The following PDZD7 variants were observed in gnomAD, a reference collection of about 807,000 sequenced individuals.
PDZD7 encodes the protein PDZ domain-containing protein 7.
PDZD7 carries 72 observed loss-of-function variants against 84.7 expected under a neutral mutation model. The observed-to-expected ratio is 0.85, with a 90% CI of 0.70 to 1.03. The LOEUF is 1.03. PDZD7 is among the 50% of genes least tolerant of loss of function. The pLI is 0.00. For missense variants in PDZD7, 1,490 were observed against 1,412.9 expected (o/e 1.05, Z -0.87); for synonymous variants, 594 against 580.7 (o/e 1.02, Z -0.33).
intron 11 of PDZD7, among the ~76,000 whole-genome samples, chr10:101,015,114 G>C (rs1852553558): frequency 6.6e-6 from 1 of 152,228 alleles, no homozygotes; most frequent in Non-Finnish European, 1.5e-5. Context: ...TTAGGTGTTG[G>C]GGGAGGCAAA....
chr10:101,014,079 G>A (rs1852500343), intron 11 of PDZD7, among the ~76,000 whole-genome samples: 2 of 150,102 alleles, frequency 1.3e-5, no homozygotes, highest in African/African-American at 4.9e-5. Context: ...GGCTGGTCTC[G>A]AACTCCTGAC....
rs11190790 is a variant in PDZD7, at chr10:101,012,526, A to C, written c.1750-268T>G. Among the ~76,000 whole-genome samples, 73,265 of 152,052 alleles carry C rather than the reference A, an allele frequency of 0.48. 20,749 individuals carry two copies. Among genetic ancestry groups the C allele is most frequent in the Non-Finnish European group, 0.65 (44,004 of 67,980 alleles). Reference sequence around the variant, plus strand: ...ACAGACACTTTTCTAAGCCTTTTACATACTGTCTCTCAGCAACCACCCTGA... The same window carrying C: ...ACAGACACTTTTCTAAGCCTTTTACCTACTGTCTCTCAGCAACCACCCTGA... On this transcript the variant is annotated intron_variant, in intron 11 of 16. Coordinates refer to ENST00000619208, the MANE Select transcript of PDZD7 (RefSeq NM_001195263.2).
At chr10:101,025,373 C>A (rs1307858499) in intron 2 of PDZD7, among the ~76,000 whole-genome samples, 1 of 151,898 alleles carries the variant, frequency 6.6e-6, no homozygotes, top group Non-Finnish European at 1.5e-5. Flanking sequence ...CCACACCCGG[C>A]TAATTTTTGT....
chr10:101,010,292 G>C lies in PDZD7; in HGVS notation c.2597C>G (p.Ser866Cys), dbSNP rs868726771. Residue 866 changes from serine to cysteine, a missense_variant, in exon 15 of 17, where the codon TCC becomes TGC. Transcript: ENST00000619208. ...PSGELKTVTL[S>C]KMKQSLGISI... Reference sequence around the variant, plus strand: ...CTCACCTAAGGACTGCTTCATCTTGGACAGTGTCACTGTCTTCAGCTCGCC... The same window carrying C: ...CTCACCTAAGGACTGCTTCATCTTGCACAGTGTCACTGTCTTCAGCTCGCC... 14 of 1,531,976 alleles carry C rather than the reference G, an allele frequency of 9.1e-6. 2 individuals carry two copies. In the South Asian group the frequency reaches 1.7e-4, roughly 18 times the overall value. The allele number at this position is 1,531,976 out of a possible 1,614,324, so 94.9% of individuals were successfully genotyped here. A position where few individuals can be genotyped will look rare whatever the true frequency, so the allele number is the denominator to read the frequency against.
intron 11 of PDZD7, among the ~76,000 whole-genome samples, chr10:101,013,035 A>G (rs1424904819): frequency 6.6e-6 from 1 of 152,198 alleles, no homozygotes; most frequent in African/African-American, 2.4e-5. Flanking sequence ...AGGGACACGC[A>G]CGCATAGAAC....
Position 101,018,964 on chromosome 10 carries a change from G to A in PDZD7, c.1182C>T (p.Asp394=). Residue 394 remains aspartate, a synonymous_variant, in exon 8 of 17, where the codon GAC becomes GAT. Coordinates refer to ENST00000619208, the MANE Select transcript of PDZD7 (RefSeq NM_001195263.2). ...CSVRPTVILR[D]TAIRSDGPHP... is the part of the protein sequence containing the mutation. ...GGGGGCCGTCCGAGCGGATGGCGGTGTCCCTGAGGATGACTGTGGGCCGCA... is the reference window on the plus strand; with the variant it reads ...GGGGGCCGTCCGAGCGGATGGCGGTATCCCTGAGGATGACTGTGGGCCGCA... 6.3e-7 allele frequency: 1 copy of A among 1,595,074 alleles called. No individual in the cohort carries two copies. Among genetic ancestry groups the A allele is most frequent in the Non-Finnish European group, 8.5e-7 (1 of 1,171,696 alleles).
At chr10:101,029,561 G>C (rs573612462) in intron 2 of PDZD7, among the ~76,000 whole-genome samples, 1 of 152,154 alleles carries the variant, frequency 6.6e-6, no homozygotes, top group Non-Finnish European at 1.5e-5. Context: ...CTGACTCCTC[G>C]CAGCCCAGCA....
intron 13 of PDZD7, 49 bp from the exon 14 acceptor site, chr10:101,011,810 C>G (rs1403480517): frequency 2.6e-6 from 4 of 1,550,508 alleles, no homozygotes; most frequent in South Asian, 2.4e-5. Context: ...CGCCAGGCTC[C>G]GGGACGGAGG....
intron 11 of PDZD7, among the ~76,000 whole-genome samples, 172 bp downstream of exon 11, chr10:101,015,464 A>ATG (rs10579208): frequency 0.031 from 4,589 of 149,726 alleles, 95 homozygotes; most frequent in Middle Eastern, 0.059. Flanking sequence ...GAGCTGGCAG[A>ATG]TGTGTGTGTG....
intron 7 of PDZD7, 105 bp from the exon 8 acceptor site, chr10:101,019,322 C>A: frequency 7.0e-7 from 1 of 1,437,326 alleles, no homozygotes; most frequent in Non-Finnish European, 9.3e-7. Flanking sequence ...GGTCAGGCAG[C>A]AGCCAGGGTT....
intron 9 of PDZD7, among the ~76,000 whole-genome samples, chr10:101,016,976 T>A (rs893290644): frequency 2.6e-5 from 4 of 152,076 alleles, no homozygotes; most frequent in Non-Finnish European, 4.4e-5. Flanking sequence ...CCTCTGGTTG[T>A]TTTGTTGATC....
chr10:101,023,718 G>A (rs1224085636), intron 3 of PDZD7, 108 bp from the exon 4 acceptor site: 1 of 1,474,758 alleles, frequency 6.8e-7, no homozygotes, highest in African/African-American at 1.4e-5. Context: ...ATCAGAGTGA[G>A]GATTGTCAGA....
chr10:101,018,850 C>A lies in PDZD7; in HGVS notation c.1296G>T (p.Thr432=). The A allele has an allele frequency of 3.7e-6, 6 of 1,603,274 alleles. No individual in the cohort carries two copies. Among genetic ancestry groups the A allele is most frequent in the South Asian group, 1.1e-5 (1 of 89,124 alleles). ...ACAAGGTCAGATAGCTCTGGGAGCGCGTGATGGGGGGCCGGGGTCGGCTGA... is the reference window on the plus strand; with the variant it reads ...ACAAGGTCAGATAGCTCTGGGAGCGAGTGATGGGGGGCCGGGGTCGGCTGA... ...LALSRPRPPI[T]RSQSYLTLWE... The change falls in exon 8 of 17, where the codon ACG becomes ACT. Residue 432 remains threonine (T), a synonymous_variant. Coordinates refer to ENST00000619208, the MANE Select transcript of PDZD7 (RefSeq NM_001195263.2).
intron 2 of PDZD7, among the ~76,000 whole-genome samples, chr10:101,024,974 G>C (rs1467054805): frequency 1.3e-5 from 2 of 151,992 alleles, no homozygotes; most frequent in Non-Finnish European, 2.9e-5. Context: ...TCAGGATTCT[G>C]TTCTATGGGG....
At chr10:101,017,825 A>T in intron 9 of PDZD7, 2 of 307,538 alleles carry the variant, frequency 6.5e-6, no homozygotes, top group Non-Finnish European at 5.5e-6. Flanking sequence ...AAGGAAAGAA[A>T]GGAAGGAAGG....
intron 15 of PDZD7, among the ~76,000 whole-genome samples, chr10:101,010,038 G>A (rs1852341691): frequency 6.6e-6 from 1 of 152,092 alleles, no homozygotes; most frequent in African/African-American, 2.4e-5. Flanking sequence ...GATTACAGGC[G>A]CCCACCACCA....
chr10:101,011,926 T>C lies in PDZD7; in HGVS notation c.1932A>G (p.Ala644=). The change falls in exon 13 of 17, where the codon GCA becomes GCG. Residue 644 remains alanine, a splice_region_variant and synonymous_variant. Transcript: ENST00000619208. The part of the protein sequence containing the change: ...LEAFEALKSR[A]VRPPALRPAR... ...GAAGCCCCGCCCCCCACTGCTGACC[T>C]GCCCTGCTCTTGAGGGCCTCAAAAG... is the stretch of plus-strand genomic sequence containing the variant. The C allele has an allele frequency of 2.6e-6, 4 of 1,550,128 alleles. No individual in the cohort carries two copies. The highest frequency in any genetic ancestry group is 3.5e-6 in the Non-Finnish European group (4 of 1,146,966).
chr10:101,013,514 A>G (rs1405048637), intron 11 of PDZD7, among the ~76,000 whole-genome samples: 1 of 152,206 alleles, frequency 6.6e-6, no homozygotes. Flanking sequence ...AGACGTAGGG[A>G]ACAGCACAAA....
intron 6 of PDZD7, among the ~76,000 whole-genome samples, chr10:101,021,464 C>T (rs1853091253): frequency 1.3e-5 from 2 of 152,150 alleles, no homozygotes; most frequent in South Asian, 2.1e-4. Context: ...CTGTCCAAAC[C>T]GCAGCCACCA....
Sources: gnomAD v4.1 joint callset for allele counts (sites outside exome capture counted in the v4.1 genomes callset) on GRCh38, gnomAD v4.1.1 for gene constraint, MANE v1.5 for transcripts, NCBI Gene and HGNC (gene_info 2026-07-23, HGNC 2026-07-21) for gene names.